PTPRT: variants seen among roughly 807,000 people sequenced by gnomAD.
PTPRT encodes protein tyrosine phosphatase receptor type T, also known as receptor-type tyrosine-protein phosphatase T.
Under a neutral mutation model 176.8 loss-of-function variants are expected in PTPRT, and 56 were observed. The observed-to-expected ratio is 0.32, with a 90% CI of 0.26 to 0.40. The LOEUF (loss-of-function observed/expected upper bound fraction) is 0.40. Ranked by LOEUF, PTPRT falls within the 10% of genes least tolerant of loss-of-function variation. The pLI is 1.00. For missense variants in PTPRT, 1,540 were observed against 1,908.2 expected (o/e 0.81, Z 3.60); for synonymous variants, 783 against 739.0 (o/e 1.06, Z -0.96).
At chr20:42,086,136 G>A (rs940697711) in intron 27 of PTPRT, among the ~76,000 whole-genome samples, 30 of 152,004 alleles carry the variant, frequency 2.0e-4, no homozygotes, top group African/African-American at 4.1e-4. Context: ...ATGGGGTTTC[G>A]CCGTGTTGGC....
intron 12 of PTPRT, among the ~76,000 whole-genome samples, chr20:42,291,923 G>C (rs2057322418): frequency 6.6e-6 from 1 of 152,118 alleles, no homozygotes; most frequent in Non-Finnish European, 1.5e-5. Context: ...TTTAAAGGTA[G>C]AGGCTGTTAC....
rs1281725432 is a variant in PTPRT, at chr20:42,615,436, A to C, written c.1153+62430T>G. ...CTTTATAGCAGCATGATTTATAGTC[A>C]TTTGGGTATATACCCAGTAATGGGA... On this transcript the variant is annotated intron_variant, in intron 7 of 30. Coordinates refer to ENST00000373187, the MANE Select transcript of PTPRT (RefSeq NM_007050.6). Among the ~76,000 whole-genome samples the C allele has an allele frequency of 8.1e-4, 112 of 138,264 alleles. 13 individuals carry two copies. Among genetic ancestry groups the C allele is most frequent in the Admixed American group, 1.3e-3 (19 of 14,452 alleles). 90.7% of individuals were successfully genotyped at this position (138,264 alleles called of 152,430 possible).
chr20:42,954,937 G>A (rs1447795540), intron 1 of PTPRT, among the ~76,000 whole-genome samples: 1 of 151,648 alleles, frequency 6.6e-6, no homozygotes, highest in Non-Finnish European at 1.5e-5. Context: ...GAGAGGAAGA[G>A]GGAGAAGGGA....
chr20:42,905,911 C>T (rs1158469480), intron 1 of PTPRT, among the ~76,000 whole-genome samples: 1 of 95,750 alleles, frequency 1.0e-5, no homozygotes, highest in Non-Finnish European at 2.0e-5. Flanking sequence ...ACACTGGGGC[C>T]TGTCGGGGGG....
intron 9 of PTPRT, among the ~76,000 whole-genome samples, chr20:42,439,482 C>A (rs2059293033): frequency 6.6e-6 from 1 of 152,114 alleles, no homozygotes; most frequent in African/African-American, 2.4e-5. Flanking sequence ...GAAAAAAGAC[C>A]AATGTTTCTT....
intron 2 of PTPRT, among the ~76,000 whole-genome samples, chr20:42,866,013 A>G (rs1382286229): frequency 6.6e-6 from 1 of 151,952 alleles, no homozygotes; most frequent in Non-Finnish European, 1.5e-5. Context: ...CTTCCCAAAC[A>G]CCCAGTGGTT....
At chr20:42,569,150 A>G (rs958861432) in intron 7 of PTPRT, among the ~76,000 whole-genome samples, 4 of 133,216 alleles carry the variant, frequency 3.0e-5, no homozygotes, top group African/African-American at 1.1e-4. Flanking sequence ...TGCTCTAAGT[A>G]TTTTACACAG....
intron 13 of PTPRT, among the ~76,000 whole-genome samples, chr20:42,250,276 C>T (rs2056528932): frequency 6.6e-6 from 1 of 152,194 alleles, no homozygotes; most frequent in Non-Finnish European, 1.5e-5. Context: ...ATAGGGCTCC[C>T]TAAATGTTTG....
intron 2 of PTPRT, among the ~76,000 whole-genome samples, chr20:42,827,193 G>A (rs1236926128): frequency 1.1e-4 from 16 of 151,962 alleles, no homozygotes; most frequent in Non-Finnish European, 1.5e-5. Flanking sequence ...CTCAACATTG[G>A]ACCAGATGGA....
At chr20:42,955,334 GT>G (rs1465885349) in intron 1 of PTPRT, among the ~76,000 whole-genome samples, 1 of 152,100 alleles carries the variant, frequency 6.6e-6, no homozygotes. Flanking sequence ...ACCCCACAAG[GT>G]CCTGCATTAA....
chr20:42,793,437 G>A (rs2077406093), intron 2 of PTPRT, among the ~76,000 whole-genome samples: 1 of 152,138 alleles, frequency 6.6e-6, no homozygotes. Flanking sequence ...ATGCCGTATT[G>A]ATTTTCTGTT....
intron 15 of PTPRT, among the ~76,000 whole-genome samples, chr20:42,221,382 A>G (rs2055882647): frequency 6.6e-6 from 1 of 152,172 alleles, no homozygotes; most frequent in Non-Finnish European, 1.5e-5. Context: ...AGACTGGGTA[A>G]TTTATAAACA....
At chr20:42,729,186 C>A (rs1225010480) in intron 6 of PTPRT, among the ~76,000 whole-genome samples, 3 of 152,142 alleles carry the variant, frequency 2.0e-5, no homozygotes, top group Non-Finnish European at 2.9e-5. Context: ...TCAGGTTTGG[C>A]AAAATGAGGC....
chr20:42,602,049 T>A (rs2073792019), intron 7 of PTPRT, among the ~76,000 whole-genome samples: 2 of 152,188 alleles, frequency 1.3e-5, no homozygotes, highest in Non-Finnish European at 1.5e-5. Flanking sequence ...CAGGGCTCCA[T>A]GCCTTGTTAC....
At chr20:42,608,888 C>T (rs188845067) in intron 7 of PTPRT, among the ~76,000 whole-genome samples, 3 of 152,204 alleles carry the variant, frequency 2.0e-5, no homozygotes, top group Admixed American at 2.0e-4. Context: ...TTTTAGCCAG[C>T]CCAGACCCAA....
At chr20:42,698,388 A>G (rs1336086866) in intron 6 of PTPRT, among the ~76,000 whole-genome samples, 7 of 152,170 alleles carry the variant, frequency 4.6e-5, no homozygotes, top group African/African-American at 1.4e-4. Context: ...CTCTGAAAGG[A>G]CTAAATTGTA....
At chr20:42,232,594 T>C (rs989028267) in intron 15 of PTPRT, among the ~76,000 whole-genome samples, 1 of 151,734 alleles carries the variant, frequency 6.6e-6, no homozygotes, top group Non-Finnish European at 1.5e-5. Flanking sequence ...TCCATGGCTC[T>C]CTCTCAATCC....
intron 7 of PTPRT, among the ~76,000 whole-genome samples, chr20:42,584,501 A>C (rs1455075437): frequency 6.6e-6 from 1 of 152,122 alleles, no homozygotes; most frequent in East Asian, 1.9e-4. Context: ...CATTTCAGTC[A>C]ATCAGAGAGG....
intron 9 of PTPRT, among the ~76,000 whole-genome samples, chr20:42,446,609 TGTGTGTGTGTGTGA>T (rs2070736636): frequency 1.3e-5 from 2 of 149,478 alleles, no homozygotes; most frequent in South Asian, 2.1e-4. Flanking sequence ...TGTGTGTGTG[TGTGTGTGTGTGTGA>T]GAGAGAGAGA....
Sources: allele counts gnomAD v4.1 joint callset (sites outside exome capture counted in the v4.1 genomes callset), GRCh38; gene constraint gnomAD v4.1.1; transcripts MANE v1.5; gene names NCBI Gene and HGNC (gene_info 2026-07-23, HGNC 2026-07-21).